Variants in PRH1 observed in about 807,000 individuals in gnomAD.
The protein encoded by PRH1 is proline rich protein HaeIII subfamily 1.
PRH1 carries 7 observed loss-of-function variants against 7.9 expected under a neutral mutation model. The observed-to-expected ratio is 0.89, with a 90% confidence interval of 0.50 to 1.67. PRH1 has a LOEUF of 1.67. Ranked by LOEUF, PRH1 falls within the 40% of genes most tolerant of loss-of-function variation. The pLI is 0.00. For synonymous variants in PRH1, 45 were observed against 80.8 expected (o/e 0.56, Z 2.38); for missense variants, 109 against 223.6 (o/e 0.49, Z 3.27).
At chr12:10,913,266 A>T (rs1949926225) in intron 2 of PRH1, among the ~76,000 whole-genome samples, 1 of 152,178 alleles carries the variant, frequency 6.6e-6, no homozygotes, top group African/African-American at 2.4e-5. Context: ...AGCATGGCTA[A>T]CACATGGTGA....
At chr12:11,139,995 A>G (rs1479390966) in intron 1 of PRH1, among the ~76,000 whole-genome samples, 2 of 152,034 alleles carry the variant, frequency 1.3e-5, no homozygotes, top group Admixed American at 1.3e-4. Context: ...TCTAATTTAG[A>G]ATGTATTTTT....
chr12:11,059,219 T>C (rs909730027), intron 1 of PRH1, among the ~76,000 whole-genome samples: 13 of 152,102 alleles, frequency 8.5e-5, no homozygotes, highest in Non-Finnish European at 1.6e-4. Flanking sequence ...GTAGCCCTTC[T>C]GGAAAAGTGC....
chr12:10,903,931 C>CAAAAAAAAAAAAAA (rs546066515), intron 2 of PRH1, among the ~76,000 whole-genome samples: 26 of 31,092 alleles, frequency 8.4e-4, no homozygotes, highest in East Asian at 1.5e-3. Flanking sequence ...ACAATAGCCT[C>CAAAAAAAAAAAAAA]AAAAAAAAAA....
At chr12:11,135,000 C>T (rs185976798) in intron 1 of PRH1, among the ~76,000 whole-genome samples, 1 of 152,238 alleles carries the variant, frequency 6.6e-6, no homozygotes, top group East Asian at 1.9e-4. Context: ...AGGAGGTTGT[C>T]CAGGTGAAAT....
chr12:10,934,809 C>A (rs926437186), intron 2 of PRH1, among the ~76,000 whole-genome samples: 2 of 152,060 alleles, frequency 1.3e-5, no homozygotes, highest in Non-Finnish European at 2.9e-5. Context: ...AAACTGAATT[C>A]TCATTGTTAA....
At chr12:11,030,243 A>AT in intron 1 of PRH1, 217 of 1,086,070 alleles carry the variant, frequency 2.0e-4, no homozygotes, top group South Asian at 2.7e-4. Flanking sequence ...ACATATATAT[A>AT]TTTTTTTTTC....
In PRH1 at chr12:11,088,710, A is replaced by G. The variant is rs2084647; in HGVS notation, n.124-41522T>C. Among the ~76,000 whole-genome samples, 74 of 96,862 alleles carry G rather than the reference A, an allele frequency of 7.6e-4. 1 individual carries two copies. Among genetic ancestry groups the G allele is most frequent in the South Asian group, 1.4e-3 (5 of 3,524 alleles). 63.5% of individuals were successfully genotyped at this position (96,862 alleles called of 152,430 possible). Reference sequence around the variant, plus strand: ...GTTTCCCAGGCTACTGGTCTCAAGCAGAATCCAGAACAAAAGTGGGCTCTA... The same window carrying G: ...GTTTCCCAGGCTACTGGTCTCAAGCGGAATCCAGAACAAAAGTGGGCTCTA... On this transcript the variant is annotated intron_variant and non_coding_transcript_variant, in intron 1 of 4. Transcript: ENST00000541977.
chr12:11,013,969 TCTGC>T (rs1451493218), intron 1 of PRH1, among the ~76,000 whole-genome samples: 1 of 152,256 alleles, frequency 6.6e-6, no homozygotes, highest in African/African-American at 2.4e-5. Context: ...GCTCAAGAAA[TCTGC>T]CTGCCTAAGC....
rs373607928 is a variant in PRH1 at position 11,105,964 on chromosome 12, G to A, written n.124-58776C>T. ...TTTTTTTTTTTTTTTTTTTTGAGAC[G>A]GAGTCTCACTCTTTCGCCCAAGCTG... On this transcript the variant is annotated intron_variant and non_coding_transcript_variant, in intron 1 of 4. Transcript: ENST00000541977. Among the ~76,000 whole-genome samples the A allele has an allele frequency of 7.7e-4, 30 of 39,128 alleles. 3 individuals carry two copies. The highest frequency in any genetic ancestry group is 1.7e-3 in the African/African-American group (22 of 13,050). The allele number at this position is 39,128 out of a possible 152,430, so 25.7% of individuals were successfully genotyped here.
chr12:11,031,041 C>T, intron 1 of PRH1: 1 of 1,614,296 alleles, frequency 6.2e-7, no homozygotes, highest in Non-Finnish European at 8.5e-7. Context: ...AGGCTAGTAG[C>T]AAGCCAGTTG....
In PRH1 at chr12:11,146,261, T is replaced by C. The variant is rs183449788; in HGVS notation, n.40-25081A>G. Among the ~76,000 whole-genome samples the C allele has an allele frequency of 9.9e-3, 1,221 of 123,318 alleles. 15 individuals carry two copies. Among genetic ancestry groups the C allele is most frequent in the Non-Finnish European group, 0.019 (996 of 52,898 alleles). The allele number at this position is 123,318 out of a possible 152,430, so 80.9% of individuals were successfully genotyped here. A position where few individuals can be genotyped will look rare whatever the true frequency, so the allele number is the denominator to read the frequency against. On this transcript the variant is annotated intron_variant and non_coding_transcript_variant, in intron 1 of 1. Transcript: ENST00000541175. ...TTCTAGTATTCATTCTGCTTTATTCTTCTAGGTAGTTTTTTTACTGAATCT... is the reference window on the plus strand; with the variant it reads ...TTCTAGTATTCATTCTGCTTTATTCCTCTAGGTAGTTTTTTTACTGAATCT...
At chr12:10,995,958 A>T (rs1045711887) in intron 1 of PRH1, among the ~76,000 whole-genome samples, 10 of 152,030 alleles carry the variant, frequency 6.6e-5, no homozygotes, top group African/African-American at 1.4e-4. Flanking sequence ...TGTACACTAG[A>T]TATATTTTTC....
At chr12:11,101,400 G>A (rs1335578273) in intron 1 of PRH1, among the ~76,000 whole-genome samples, 1 of 152,222 alleles carries the variant, frequency 6.6e-6, no homozygotes, top group East Asian at 1.9e-4. Flanking sequence ...TAAGATGGGA[G>A]AATCACTTGA....
chr12:10,939,355 T>C, intron 2 of PRH1: 1 of 548,696 alleles, frequency 1.8e-6, no homozygotes, highest in Non-Finnish European at 3.1e-6. Flanking sequence ...CCATCCAGAT[T>C]TGCTAATGGC....
intron 1 of PRH1, among the ~76,000 whole-genome samples, chr12:11,128,110 C>CAAAAA (rs71434172): frequency 2.0e-5 from 2 of 100,578 alleles, no homozygotes; most frequent in Admixed American, 1.1e-4. Context: ...GACTCAGTCT[C>CAAAAA]AAAAAAAAAA....
intron 1 of PRH1, chr12:10,986,464 G>C (rs1939634156): frequency 1.2e-6 from 2 of 1,613,948 alleles, no homozygotes; most frequent in South Asian, 2.2e-5. Context: ...GTCCCCAACA[G>C]TATCACCAGA....
intron 1 of PRH1, among the ~76,000 whole-genome samples, chr12:11,128,267 A>C (rs1023934225): frequency 7.8e-6 from 1 of 127,598 alleles, no homozygotes; most frequent in Middle Eastern, 4.4e-3. Flanking sequence ...TTACTTATTG[A>C]TTTATGATGA....
At chr12:10,973,406 C>T (rs868182276) in intron 2 of PRH1, 4 of 344,514 alleles carry the variant, frequency 1.2e-5, no homozygotes, top group Middle Eastern at 7.7e-4. Context: ...AGTCTGATGG[C>T]CAGGACAGAA....
chr12:11,084,243 T>C (rs867264832), intron 1 of PRH1, among the ~76,000 whole-genome samples: 1 of 116,090 alleles, frequency 8.6e-6, no homozygotes. Flanking sequence ...AAAGTAAAGA[T>C]GCCTTGCTGA....
Sources: allele counts gnomAD v4.1 joint callset (sites outside exome capture counted in the v4.1 genomes callset), GRCh38; gene constraint gnomAD v4.1.1; transcripts MANE v1.5; gene names NCBI Gene and HGNC (gene_info 2026-07-23, HGNC 2026-07-21).